TMCO2: variants seen among roughly 807,000 people sequenced by gnomAD.
TMCO2 encodes transmembrane and coiled-coil domain-containing protein 2.
TMCO2 carries 15 observed loss-of-function variants against 18.0 expected under a neutral mutation model. The ratio of observed to expected loss-of-function variants is 0.84; its 90% confidence interval spans 0.56 to 1.29. The LOEUF (loss-of-function observed/expected upper bound fraction) is 1.29, where lower values mean the gene tolerates loss of function less well. TMCO2 is among the 50% of genes most tolerant of loss of function. The probability of loss-of-function intolerance (pLI) is 0.00; values close to 1 mark genes in which losing one functional copy is unlikely to be tolerated. For missense variants in TMCO2, 182 were observed against 200.9 expected (o/e 0.91, Z 0.57); for synonymous variants, 79 against 75.9 (o/e 1.04, Z -0.21).
intron 1 of TMCO2, among the ~76,000 whole-genome samples, chr1:40,249,010 A>G (rs1451660173): frequency 6.6e-6 from 1 of 152,178 alleles, no homozygotes; most frequent in African/African-American, 2.4e-5. Context: ...ATATGTCACT[A>G]TTGTTTAGTA....
intron 1 of TMCO2, 114 bp downstream of exon 1, chr1:40,248,344 T>C: frequency 1.1e-6 from 1 of 898,158 alleles, no homozygotes; most frequent in Non-Finnish European, 1.7e-6. Context: ...AGGCGAACCT[T>C]TGTCTCTTAA....
At position 40,251,136 on chromosome 1, in the gene TMCO2, C is replaced by CAAAAAAAA. The variant is rs59384076; in HGVS notation, c.238-134_238-127dup. The CAAAAAAAA allele has an allele frequency of 4.1e-5, 17 of 419,712 alleles. No homozygotes were observed. In the African/African-American group the frequency reaches 4.9e-4, roughly 12 times the overall value. 26.0% of individuals were successfully genotyped at this position (419,712 alleles called of 1,614,324 possible). A position where few individuals can be genotyped will look rare whatever the true frequency, so the allele number is the denominator to read the frequency against. Reference sequence around the variant, plus strand: ...TGGGTGACAGAGTGAAACTCCATCTCAAAAAAAAAAAAAAAAAAAATTTGC... The same window carrying CAAAAAAAA: ...TGGGTGACAGAGTGAAACTCCATCTCAAAAAAAAAAAAAAAAAAAAAAAAAAAATTTGC... On this transcript the variant is annotated intron_variant, in intron 1 of 1. Transcript: ENST00000372766.
Position 40,248,141 on chromosome 1 carries a change from G to A in TMCO2, c.148G>A (p.Ala50Thr), listed in dbSNP as rs762351238. The A allele has an allele frequency of 6.2e-7, 1 of 1,614,188 alleles. No homozygotes were observed. Among genetic ancestry groups the A allele is most frequent in the Non-Finnish European group, 8.5e-7 (1 of 1,180,038 alleles). The change falls in exon 1 of 2, where the codon GCT (alanine) becomes ACT (threonine). Residue 50 changes from alanine (A) to threonine (T), a missense_variant. Ala to Thr is a moderately conservative substitution (Grantham distance 58, BLOSUM62 0). Coordinates refer to ENST00000372766, the MANE Select transcript of TMCO2 (RefSeq NM_001008740.4). The stretch of plus-strand genomic sequence containing the variant: ...GGGACTATTAGATAATCTTGCTCCA[G>A]CTGTGCAAATCATCTTGAGGATTTC... Reference protein sequence around the residue: ...SLGLLDNLAPAVQIILRISFL... With the variant: ...SLGLLDNLAPTVQIILRISFL...
At chr1:40,251,156 A>T (rs973133109) in intron 1 of TMCO2, 127 bp from the exon 2 acceptor site, 5 of 811,454 alleles carry the variant, frequency 6.2e-6, no homozygotes, top group Non-Finnish European at 5.6e-6. Flanking sequence ...AAAAAAAAAA[A>T]TTTGCTAAAT....
intron 1 of TMCO2, among the ~76,000 whole-genome samples, chr1:40,250,920 G>A (rs1021123436): frequency 2.0e-5 from 3 of 152,154 alleles, no homozygotes; most frequent in East Asian, 1.9e-4. Context: ...GGCGGATCAC[G>A]AGGTCAGGAG....
In TMCO2 at chr1:40,251,641, T is replaced by C. The variant is rs572508360; in HGVS notation, c.*47T>C. 2.6e-6 allele frequency: 4 copies of C among 1,558,652 alleles called. No homozygotes were observed. The highest frequency in any genetic ancestry group is 2.2e-5 in the East Asian group (1 of 44,694). On this transcript the variant is annotated 3_prime_UTR_variant, in exon 2 of 2. Coordinates refer to ENST00000372766, the MANE Select transcript of TMCO2 (RefSeq NM_001008740.4). Reference sequence around the variant, plus strand: ...TTCCAGGAAAGCACTGTTTCCCTCATGTGTGCAGTGGTGTATCAATAAAGA... The same window carrying C: ...TTCCAGGAAAGCACTGTTTCCCTCACGTGTGCAGTGGTGTATCAATAAAGA...
At chr1:40,250,717 T>A (rs1643375473) in intron 1 of TMCO2, among the ~76,000 whole-genome samples, 1 of 152,222 alleles carries the variant, frequency 6.6e-6, no homozygotes, top group Non-Finnish European at 1.5e-5. Context: ...AAGGCAAAGT[T>A]ACTTCCAGAC....
At position 40,251,487 on chromosome 1, in the gene TMCO2, G is replaced by A. The variant is rs756306074; in HGVS notation, c.442G>A (p.Val148Ile). Reference sequence around the variant, plus strand: ...AATGAAGAACCTAGAAGGGATAATCGTTGCTCAAAAACCTGCCACGAAGAG... The same window carrying A: ...AATGAAGAACCTAGAAGGGATAATCATTGCTCAAAAACCTGCCACGAAGAG... ...NKMKNLEGII[V>I]AQKPATKRDC... Residue 148 changes from valine (V) to isoleucine (I), a missense_variant, in exon 2 of 2, where the codon GTT becomes ATT. Physicochemically the swap from Val to Ile is conservative, Grantham distance 29. Coordinates refer to ENST00000372766, the MANE Select transcript of TMCO2 (RefSeq NM_001008740.4). The A allele has an allele frequency of 2.1e-5, 34 of 1,613,654 alleles. No individual in the cohort carries two copies. Among genetic ancestry groups the A allele is most frequent in the South Asian group, 1.2e-4 (11 of 90,992 alleles).
intron 1 of TMCO2, among the ~76,000 whole-genome samples, chr1:40,250,620 A>G (rs1557768641): frequency 6.6e-6 from 1 of 152,212 alleles, no homozygotes; most frequent in Non-Finnish European, 1.5e-5. Flanking sequence ...TGCCACTTCC[A>G]ATATATAACC....
At chr1:40,249,064 G>T (rs1464553429) in intron 1 of TMCO2, among the ~76,000 whole-genome samples, 1 of 152,090 alleles carries the variant, frequency 6.6e-6, no homozygotes, top group African/African-American at 2.4e-5. Context: ...TCACAATCCT[G>T]CATAACAGTC....
chr1:40,249,255 A>ATGTGTGTGTGTGTGTGTGTGTGTG (rs3075101), intron 1 of TMCO2, among the ~76,000 whole-genome samples: 1 of 139,834 alleles, frequency 7.2e-6, no homozygotes, highest in East Asian at 2.2e-4. Context: ...TTGAACAGGA[A>ATGTGTGTGTGTGTGTGTGTGTGTG]TGTGTGTGTG....
Position 40,251,610 on chromosome 1 carries a change from A to C in TMCO2, c.*16A>C, listed in dbSNP as rs1342942553. 3 of 1,589,740 alleles carry C rather than the reference A, an allele frequency of 1.9e-6. No individual in the cohort carries two copies. Among genetic ancestry groups the C allele is most frequent in the Non-Finnish European group, 2.6e-6 (3 of 1,174,158 alleles). On this transcript the variant is annotated 3_prime_UTR_variant, in exon 2 of 2. Coordinates refer to ENST00000372766, the MANE Select transcript of TMCO2 (RefSeq NM_001008740.4). The stretch of plus-strand genomic sequence containing the variant: ...CCCCATTTGAAATGTGATGGACTCC[A>C]ATCTTTTCCAGGAAAGCACTGTTTC...
At chr1:40,251,187 G>T in intron 1 of TMCO2, 96 bp from the exon 2 acceptor site, 1 of 1,028,110 alleles carries the variant, frequency 9.7e-7, no homozygotes, top group Non-Finnish European at 1.4e-6. Flanking sequence ...TTATTGGAAT[G>T]AGGAATTATT....
At chr1:40,250,446 C>G (rs989350336) in intron 1 of TMCO2, among the ~76,000 whole-genome samples, 1 of 152,078 alleles carries the variant, frequency 6.6e-6, no homozygotes, top group Non-Finnish European at 1.5e-5. Context: ...ATCCTCCCAC[C>G]TTACCCTCCC....
chr1:40,250,195 C>T (rs1223504002), intron 1 of TMCO2, among the ~76,000 whole-genome samples: 6 of 151,540 alleles, frequency 4.0e-5, no homozygotes, highest in Non-Finnish European at 7.4e-5. Flanking sequence ...GACAGGGTCT[C>T]GCTACGTTCA....
At chr1:40,249,451 C>T (rs573162780) in intron 1 of TMCO2, among the ~76,000 whole-genome samples, 22 of 151,778 alleles carry the variant, frequency 1.4e-4, no homozygotes, top group African/African-American at 2.9e-4. Context: ...TGGTGGCACG[C>T]GCCTGTAGTC....
rs1643385663 is a variant in TMCO2 at position 40,251,602 on chromosome 1, T to G, written c.*8T>G. 2.5e-6 allele frequency: 4 copies of G among 1,595,282 alleles called. No individual in the cohort carries two copies. In the South Asian group the frequency reaches 3.5e-5, roughly 14 times the overall value. On this transcript the variant is annotated 3_prime_UTR_variant, in exon 2 of 2. Coordinates refer to ENST00000372766, the MANE Select transcript of TMCO2 (RefSeq NM_001008740.4). The stretch of plus-strand genomic sequence containing the variant: ...TTTACTTCCCCCATTTGAAATGTGA[T>G]GGACTCCAATCTTTTCCAGGAAAGC...
intron 1 of TMCO2, among the ~76,000 whole-genome samples, chr1:40,250,318 A>AATATATATAT (rs144052392): frequency 6.2e-5 from 9 of 145,762 alleles, no homozygotes; most frequent in African/African-American, 2.4e-4. Context: ...ATATAAATAA[A>AATATATATAT]ATATATATAT....
chr1:40,250,318 A>AAAATATATATATATAT (rs1553178359), intron 1 of TMCO2, among the ~76,000 whole-genome samples: 2 of 145,762 alleles, frequency 1.4e-5, no homozygotes, highest in African/African-American at 5.3e-5. Flanking sequence ...ATATAAATAA[A>AAAATATATATATATAT]ATATATATAT....
Sources: gnomAD v4.1 joint callset for allele counts (sites outside exome capture counted in the v4.1 genomes callset) on GRCh38, gnomAD v4.1.1 for gene constraint, MANE v1.5 for transcripts, NCBI Gene and HGNC (gene_info 2026-07-23, HGNC 2026-07-21) for gene names.